RAB2B: variants seen among roughly 807,000 people sequenced by gnomAD.
The protein encoded by RAB2B is RAB2B, member RAS oncogene family, also known as ras-related protein Rab-2B.
RAB2B carries 20 observed loss-of-function variants against 29.8 expected under a neutral mutation model. The observed-to-expected ratio is 0.67, with a 90% confidence interval of 0.47 to 0.97. RAB2B has a LOEUF of 0.97. RAB2B is among the 50% of genes least tolerant of loss of function. The pLI, the probability that RAB2B is intolerant of heterozygous loss-of-function variation, is 0.00. For synonymous variants in RAB2B, 93 were observed against 91.7 expected (o/e 1.01, Z -0.08); for missense variants, 218 against 272.0 (o/e 0.80, Z 1.40).
At chr14:21,476,449 G>T in intron 2 of RAB2B, 79 bp downstream of exon 2, 3 of 1,551,916 alleles carry the variant, frequency 1.9e-6, no homozygotes, top group South Asian at 2.2e-5. Context: ...TTCGAACACT[G>T]AAGGCTGCTA....
chr14:21,465,690 C>T (rs1441610426), intron 5 of RAB2B, among the ~76,000 whole-genome samples: 1 of 152,106 alleles, frequency 6.6e-6, no homozygotes, highest in Non-Finnish European at 1.5e-5. Flanking sequence ...TTTTAATCCC[C>T]CATCTCCCAA....
intron 3 of RAB2B, among the ~76,000 whole-genome samples, chr14:21,470,778 A>G (rs563689995): frequency 2.0e-5 from 3 of 152,262 alleles, no homozygotes; most frequent in East Asian, 1.9e-4. Context: ...GGAGGCCCAC[A>G]TGATGGTTCA....
chr14:21,475,052 CTAATTCCAT>C (rs1890914507), intron 2 of RAB2B, 118 bp from the exon 3 acceptor site: 1 of 728,680 alleles, frequency 1.4e-6, no homozygotes, highest in South Asian at 1.6e-5. Context: ...CTCAATGCCA[CTAATTCCAT>C]TATTGCTGCC....
intron 3 of RAB2B, among the ~76,000 whole-genome samples, chr14:21,473,046 C>T (rs1890857481): frequency 6.6e-6 from 1 of 152,026 alleles, no homozygotes; most frequent in South Asian, 2.1e-4. Flanking sequence ...TACAAAAATT[C>T]CCCAGTGCAG....
At chr14:21,471,181 A>G (rs1026465835) in intron 3 of RAB2B, among the ~76,000 whole-genome samples, 4 of 151,872 alleles carry the variant, frequency 2.6e-5, no homozygotes, top group African/African-American at 9.7e-5. Context: ...TAAATTAAAA[A>G]AAAAAAAAAA....
intron 3 of RAB2B, among the ~76,000 whole-genome samples, chr14:21,470,591 CTAATAA>C (rs1429097553): frequency 2.0e-5 from 3 of 152,266 alleles, no homozygotes; most frequent in Non-Finnish European, 4.4e-5. Context: ...TGTCATAATA[CTAATAA>C]TATTTTAAGA....
intron 3 of RAB2B, among the ~76,000 whole-genome samples, chr14:21,471,626 A>AG (rs938123798): frequency 1.3e-5 from 2 of 150,906 alleles, no homozygotes; most frequent in African/African-American, 2.4e-5. Flanking sequence ...AAAAAAAAAA[A>AG]AAAAAGAAAA....
intron 5 of RAB2B, among the ~76,000 whole-genome samples, chr14:21,466,987 A>G (rs1450999991): frequency 6.6e-6 from 1 of 151,926 alleles, no homozygotes; most frequent in African/African-American, 2.4e-5. Context: ...GCTCACTGCA[A>G]CCTCCGCCTC....
intron 3 of RAB2B, among the ~76,000 whole-genome samples, chr14:21,469,038 A>G (rs1160629773): frequency 1.3e-5 from 2 of 150,390 alleles, no homozygotes; most frequent in Non-Finnish European, 3.0e-5. Context: ...CAGTCACTAA[A>G]TACCTGTGGC....
At chr14:21,466,453 C>T (rs1312649856) in intron 5 of RAB2B, among the ~76,000 whole-genome samples, 10 of 152,120 alleles carry the variant, frequency 6.6e-5, no homozygotes, top group Non-Finnish European at 1.5e-4. Flanking sequence ...TGCCATTGTG[C>T]TCTAGCCTGG....
chr14:21,475,914 T>C (rs1243310379), intron 2 of RAB2B, among the ~76,000 whole-genome samples: 1 of 152,216 alleles, frequency 6.6e-6, no homozygotes, highest in East Asian at 1.9e-4. Flanking sequence ...GCTAGTTTCA[T>C]ATATGTTGTT....
chr14:21,467,312 T>A (rs1890709256), intron 5 of RAB2B, among the ~76,000 whole-genome samples: 1 of 152,042 alleles, frequency 6.6e-6, no homozygotes. Context: ...GCCCAAGTGA[T>A]CCTCCCACCT....
intron 6 of RAB2B, 136 bp from the exon 7 acceptor site, chr14:21,462,554 G>A (rs1890584490): frequency 1.2e-6 from 1 of 831,888 alleles, no homozygotes; most frequent in East Asian, 3.3e-5. Flanking sequence ...AAACATAGAA[G>A]GTCGGTTGGG....
intron 7 of RAB2B, among the ~76,000 whole-genome samples, chr14:21,461,567 T>C (rs1326488685): frequency 6.6e-6 from 1 of 152,124 alleles, no homozygotes; most frequent in African/African-American, 2.4e-5. Context: ...TACAGTGGCT[T>C]TTGTGCACTT....
chr14:21,475,956 A>AGG (rs1395540655), intron 2 of RAB2B, among the ~76,000 whole-genome samples: 5 of 152,208 alleles, frequency 3.3e-5, no homozygotes, highest in Non-Finnish European at 7.3e-5. Flanking sequence ...GATAACGAAG[A>AGG]GGGGGTAGTT....
rs143498328 is a variant in RAB2B, at chr14:21,460,851, G to T, written c.*345C>A. ...TGGTCTCGAACTCTTGACCTCAGGTGATCTGCCCACCTTGGCCTCCCAAAG... is the reference window on the plus strand; with the variant it reads ...TGGTCTCGAACTCTTGACCTCAGGTTATCTGCCCACCTTGGCCTCCCAAAG... On this transcript the variant is annotated 3_prime_UTR_variant, in exon 8 of 8. Coordinates refer to ENST00000397762, the MANE Select transcript of RAB2B (RefSeq NM_032846.4). 0.016 allele frequency: 2,471 copies of T among 158,802 alleles called. 27 individuals carry two copies. Among genetic ancestry groups the T allele is most frequent in the Non-Finnish European group, 0.022 (1,619 of 72,396 alleles). The allele number at this position is 158,802 out of a possible 1,614,324, so 9.8% of individuals were successfully genotyped here. A position where few individuals can be genotyped will look rare whatever the true frequency, so the allele number is the denominator to read the frequency against.
intron 3 of RAB2B, among the ~76,000 whole-genome samples, chr14:21,473,237 A>C (rs1198234052): frequency 6.6e-6 from 1 of 152,218 alleles, no homozygotes; most frequent in African/African-American, 2.4e-5. Flanking sequence ...TGCAGATATA[A>C]TGGCTTTAGC....
chr14:21,476,453 G>T (rs971947436), intron 2 of RAB2B, 75 bp downstream of exon 2: 50 of 1,550,908 alleles, frequency 3.2e-5, no homozygotes, highest in Non-Finnish European at 4.0e-5. Context: ...AACACTGAAG[G>T]CTGCTAACTT....
chr14:21,468,815 TTGATCACA>T, intron 3 of RAB2B, 63 bp from the exon 4 acceptor site: 1 of 1,064,594 alleles, frequency 9.4e-7, no homozygotes, highest in Non-Finnish European at 1.3e-6. Flanking sequence ...CAGAACCGAC[TTGATCACA>T]TGCCACCCTA....
Sources: allele counts gnomAD v4.1 joint callset (sites outside exome capture counted in the v4.1 genomes callset), GRCh38; gene constraint gnomAD v4.1.1; transcripts MANE v1.5; gene names NCBI Gene and HGNC (gene_info 2026-07-23, HGNC 2026-07-21).